The following TTN variants were observed in gnomAD, a reference collection of about 807,000 sequenced individuals.
The protein encoded by TTN is titin, also known as connectin.
A neutral mutation model predicts 3,223.0 loss-of-function variants in TTN; 1,525 were observed. The ratio of observed to expected loss-of-function variants is 0.47; its 90% CI spans 0.45 to 0.49. The LOEUF is 0.49. Among genes scored for constraint, TTN ranks in the 20% least tolerant of loss-of-function variants. TTN has a pLI of 0.00. For missense variants in TTN, 40,786 were observed against 43,424.0 expected (o/e 0.94, Z 5.40); for synonymous variants, 14,094 against 15,161.0 (o/e 0.93, Z 5.17).
Position 178,599,339 on chromosome 2 carries a change from T to C in TTN, c.56454A>G (p.Thr18818=), listed in dbSNP as rs374058011. Residue 18818 remains threonine (T), a synonymous_variant, in exon 290 of 363, where the codon ACA becomes ACG. Coordinates refer to ENST00000589042, the MANE Select transcript of TTN (RefSeq NM_001267550.2). ...PPKDDGGSKI[T]NYVIEKREAN... ...CTTCTCTTTTCTCAATTACATAGTT[T>C]GTAATCTTAGACCCACCATCATCTT... 2 of 1,609,830 alleles carry C rather than the reference T, an allele frequency of 1.2e-6. No individual in the cohort carries two copies. Among genetic ancestry groups the C allele is most frequent in the East Asian group, 2.2e-5 (1 of 44,598 alleles).
Position 178,587,720 on chromosome 2 carries a change from T to C in TTN, c.63589A>G (p.Ile21197Val), listed in dbSNP as rs72646855. 1,196 of 1,612,896 alleles carry C rather than the reference T, an allele frequency of 7.4e-4. 4 individuals are homozygous for C. Among genetic ancestry groups the C allele is most frequent in the Non-Finnish European group, 8.8e-4 (1,042 of 1,179,364 alleles). The change falls in exon 306 of 363, where the codon ATA (isoleucine) becomes GTA (valine). Residue 21197 changes from isoleucine (I) to valine (V), a missense_variant. Transcript: ENST00000589042. ...RAGCPIRLFA[I>V]VRGRPAPKVT... Reference sequence around the variant, plus strand: ...TTAGGGGCTGGTCGTCCTCTCACTATAGCAAAGAGACGAATAGGGCATCCT... The same window carrying C: ...TTAGGGGCTGGTCGTCCTCTCACTACAGCAAAGAGACGAATAGGGCATCCT...
intron 33 of TTN, 77 bp from the exon 34 acceptor site, chr2:178,771,548 T>C: frequency 6.4e-7 from 1 of 1,574,404 alleles, no homozygotes; most frequent in East Asian, 2.2e-5. Flanking sequence ...GAAGTAAATA[T>C]AAAATATCAA....
Position 178,579,104 on chromosome 2 carries a change from G to T in TTN, c.67926C>A (p.Gly22642=). The change falls in exon 320 of 363, where the codon GGC becomes GGA. Residue 22642 remains glycine, a synonymous_variant. Transcript: ENST00000589042. The part of the protein sequence containing the change: ...KEGTISIKVV[G]KPGIPTGPIK... Reference sequence around the variant, plus strand: ...TTGGTCCAGTGGGGATGCCAGGCTTGCCAACAACCTTTATGGAGATAGTTC... The same window carrying T: ...TTGGTCCAGTGGGGATGCCAGGCTTTCCAACAACCTTTATGGAGATAGTTC... 6.2e-7 allele frequency: 1 copy of T among 1,613,342 alleles called. No individual in the cohort carries two copies. The highest frequency in any genetic ancestry group is 8.5e-7 in the Non-Finnish European group (1 of 1,179,564).
rs530294765 is a variant in TTN at position 178,681,509 on chromosome 2, A to G, written c.33173-59T>C. 46 of 1,516,410 alleles carry G rather than the reference A, an allele frequency of 3.0e-5. No homozygotes were observed. In the Admixed American group the frequency reaches 4.7e-4, roughly 16 times the overall value. 93.9% of individuals were successfully genotyped at this position (1,516,410 alleles called of 1,614,324 possible). ...TTGAAACAGGTTTCTCAAGGCTAGC[A>G]AGAACAAAAAGTTAAGAAAGACAAA... On this transcript the variant is annotated intron_variant, in intron 136 of 362. Coordinates refer to ENST00000589042, the MANE Select transcript of TTN (RefSeq NM_001267550.2).
In TTN at chr2:178,784,138, C is replaced by T. The variant is rs2092996974; in HGVS notation, c.2707G>A (p.Gly903Arg). 9 of 1,614,100 alleles carry T rather than the reference C, an allele frequency of 5.6e-6. No homozygotes were observed. The highest frequency in any genetic ancestry group is 1.7e-4 in the Middle Eastern group (1 of 6,056). The change falls in exon 16 of 363, where the codon GGG becomes AGG. Residue 903 changes from glycine to arginine, a missense_variant. Gly to Arg is a moderately radical substitution (Grantham distance 125). Transcript: ENST00000589042. ...EAGVEVKKEV[G>R]VSITGTTVRE... ...ACGGTGGTGCCAGTGATGCTCACCC[C>T]TACTTCCTTTTTCACCTCAACGCCA...
chr2:178,596,634 T>C (rs1021286385), intron 294 of TTN, among the ~76,000 whole-genome samples: 1 of 152,068 alleles, frequency 6.6e-6, no homozygotes, highest in African/African-American at 2.4e-5. Flanking sequence ...GTAATAACCA[T>C]TAGGCAAAAG....
intron 49 of TTN, among the ~76,000 whole-genome samples, chr2:178,736,960 T>A (rs1010098111): frequency 5.9e-5 from 9 of 152,120 alleles, no homozygotes; most frequent in African/African-American, 2.2e-4. Flanking sequence ...CCCTTGATAT[T>A]CTCATTGACA....
chr2:178,594,723 T>C, intron 295 of TTN, 77 bp from the exon 296 acceptor site: 1 of 1,205,762 alleles, frequency 8.3e-7, no homozygotes, highest in Non-Finnish European at 1.2e-6. Flanking sequence ...TGAATATTCC[T>C]TTTCTGAAGA....
chr2:178,768,959 C>T (rs779182059), intron 37 of TTN, 26 bp from the exon 38 acceptor site: 2 of 1,611,528 alleles, frequency 1.2e-6, no homozygotes, highest in African/African-American at 2.7e-5. Flanking sequence ...GAAAAAACAC[C>T]CAAGGAGACT....
Position 178,583,028 on chromosome 2 carries a change from G to T in TTN, c.65775C>A (p.Ser21925Arg), listed in dbSNP as rs72646867. ...QRNLCTLELF[S>R]VNRKDSGDYT... Reference sequence around the variant, plus strand: ...AGTCTCCTGAGTCCTTCCGGTTCACGCTGAATAGCTCCAAGGTGCACAGAT... The same window carrying T: ...AGTCTCCTGAGTCCTTCCGGTTCACTCTGAATAGCTCCAAGGTGCACAGAT... Residue 21925 changes from serine to arginine, a missense_variant, in exon 313 of 363, where the codon AGC (serine) becomes AGA (arginine). Transcript: ENST00000589042. 1 of 1,609,058 alleles carries T rather than the reference G, an allele frequency of 6.2e-7. No homozygotes were observed. Among genetic ancestry groups the T allele is most frequent in the Non-Finnish European group, 8.5e-7 (1 of 1,177,248 alleles).
At position 178,590,339 on chromosome 2, in the gene TTN, T is replaced by C. The variant is rs1315243885; in HGVS notation, c.61386A>G (p.Ala20462=). 2 of 1,572,526 alleles carry C rather than the reference T, an allele frequency of 1.3e-6. No homozygotes were observed. Among genetic ancestry groups the C allele is most frequent in the East Asian group, 2.2e-5 (1 of 44,448 alleles). ...GGATATCTTTTGCAATCACAGATTCTGCTAGTTCTCTTGGCTCACCCTCTC... is the reference window on the plus strand; with the variant it reads ...GGATATCTTTTGCAATCACAGATTCCGCTAGTTCTCTTGGCTCACCCTCTC... ...IVGEGEPREL[A]ESVIAKDILH... The change falls in exon 304 of 363, where the codon GCA becomes GCG. Residue 20462 remains alanine, a synonymous_variant. Coordinates refer to ENST00000589042, the MANE Select transcript of TTN (RefSeq NM_001267550.2).
rs559907766 is a variant in TTN, at chr2:178,571,005, C to G, written c.75127G>C (p.Val25043Leu). Reference sequence around the variant, plus strand: ...CCCTCAGGTAATTCTTTCTTCTCAACAATATAACCAGTGATCTTGCTTCCA... The same window carrying G: ...CCCTCAGGTAATTCTTTCTTCTCAAGAATATAACCAGTGATCTTGCTTCCA... ...DGGSKITGYIVEKKELPEGRW... is the reference protein window; with the variant it reads ...DGGSKITGYILEKKELPEGRW... Residue 25043 changes from valine to leucine, a missense_variant, in exon 326 of 363, where the codon GTT (valine) becomes CTT (leucine). By Grantham distance (32) the Val-to-Leu change is conservative. Coordinates refer to ENST00000589042, the MANE Select transcript of TTN (RefSeq NM_001267550.2). 2 of 1,613,052 alleles carry G rather than the reference C, an allele frequency of 1.2e-6. No individual in the cohort carries two copies. Among genetic ancestry groups the G allele is most frequent in the South Asian group, 1.1e-5 (1 of 91,064 alleles).
Position 178,739,933 on chromosome 2 carries a change from G to C in TTN, c.13300C>G (p.Gln4434Glu), listed in dbSNP as rs930780403. The C allele has an allele frequency of 6.2e-7, 1 of 1,613,766 alleles. No individual in the cohort carries two copies. The change falls in exon 48 of 363, where the codon CAA becomes GAA. Residue 4434 changes from glutamine to glutamate, a missense_variant. By Grantham distance (29) the Gln-to-Glu change is conservative. Transcript: ENST00000589042. ...KVEVEAVNIT[Q>E]EPRHIMCMYL... ...ATGCACATGATGTGTCTGGGCTCTT[G>C]GGTGATGTTTACAGCCTCGACCTCC...
Position 178,730,780 on chromosome 2 carries a change from G to A in TTN, c.17753C>T (p.Pro5918Leu), listed in dbSNP as rs2080317731. Residue 5918 changes from proline (P) to leucine (L), a missense_variant, in exon 61 of 363, where the codon CCT (proline) becomes CTT (leucine). Coordinates refer to ENST00000589042, the MANE Select transcript of TTN (RefSeq NM_001267550.2). Reference sequence around the variant, plus strand: ...CTTCAGCTTTTTGGTGAATGAAGGAGGTATGATAAGATCTATTCAATGAAA... The same window carrying A: ...CTTCAGCTTTTTGGTGAATGAAGGAAGTATGATAAGATCTATTCAATGAAA... ...ARINVLDLII[P>L]PSFTKKLKKM... 3 of 1,597,514 alleles carry A rather than the reference G, an allele frequency of 1.9e-6. No individual in the cohort carries two copies. The highest frequency in any genetic ancestry group is 2.7e-5 in the African/African-American group (2 of 74,142).
At chr2:178,582,813 G>C (rs1179540410) in intron 313 of TTN, 127 bp downstream of exon 313, 2 of 994,086 alleles carry the variant, frequency 2.0e-6, no homozygotes, top group Non-Finnish European at 2.8e-6. Flanking sequence ...TCTGTCATAA[G>C]AATAATTCTG....
chr2:178,771,189 G>T, intron 34 of TTN, 22 bp downstream of exon 34: 3 of 1,613,536 alleles, frequency 1.9e-6, no homozygotes, highest in Non-Finnish European at 2.5e-6. Flanking sequence ...GATTTGAAAA[G>T]GACAAATCCT....
chr2:178,611,697 T>C lies in TTN; in HGVS notation c.50552-20A>G, dbSNP rs751279162. ...GAGGACCTGAGAAAAGAGTGAAATA[T>C]TCATATCCACAGTCTCATCAAGTTC... On this transcript the variant is annotated intron_variant, in intron 268 of 362. Transcript: ENST00000589042. 6.2e-7 allele frequency: 1 copy of C among 1,612,312 alleles called. No homozygotes were observed. The highest frequency in any genetic ancestry group is 8.5e-7 in the Non-Finnish European group (1 of 1,179,144).
chr2:178,691,554 G>A (rs569406673), intron 121 of TTN, among the ~76,000 whole-genome samples: 9 of 152,224 alleles, frequency 5.9e-5, no homozygotes, highest in East Asian at 1.9e-4. Context: ...TTTAAGAAGC[G>A]TGGTACTATG....
At chr2:178,696,984 C>T (rs2073856674) in intron 113 of TTN, 137 bp downstream of exon 113, 1 of 733,004 alleles carries the variant, frequency 1.4e-6, no homozygotes, top group African/African-American at 1.9e-5. Flanking sequence ...GCCATCATTT[C>T]TAATGCTAAA....
Sources: gnomAD v4.1 joint callset for allele counts (sites outside exome capture counted in the v4.1 genomes callset) on GRCh38, gnomAD v4.1.1 for gene constraint, MANE v1.5 for transcripts, NCBI Gene and HGNC (gene_info 2026-07-23, HGNC 2026-07-21) for gene names.